CCDC33: variants seen among roughly 807,000 people sequenced by gnomAD.
The protein encoded by CCDC33 is coiled-coil domain containing 33, also known as coiled-coil domain-containing protein 33.
CCDC33 carries 94 observed loss-of-function variants against 91.9 expected under a neutral mutation model. The ratio of observed to expected loss-of-function variants is 1.02; its 90% CI spans 0.87 to 1.21. The LOEUF (loss-of-function observed/expected upper bound fraction) is 1.21, where lower values mean the gene tolerates loss of function less well. Ranked by LOEUF, CCDC33 falls within the 50% of genes most tolerant of loss-of-function variation. The pLI, the probability that CCDC33 is intolerant of heterozygous loss-of-function variation, is 0.00. For missense variants in CCDC33, 940 were observed against 935.5 expected (o/e 1.00, Z -0.06); for synonymous variants, 396 against 374.5 (o/e 1.06, Z -0.66).
At chr15:74,217,390 C>T (rs1185126178) in exon 1 of CCDC33, 42 of 1,289,708 alleles carry the variant, frequency 3.3e-5, no homozygotes, top group South Asian at 4.9e-5. Context: ...TTTAATGAGG[C>T]GGGTAGATAC....
At position 74,262,496 on chromosome 15, in the gene CCDC33, C is replaced by T. The variant is rs2076052774; in HGVS notation, c.242C>T (p.Thr81Ile). ...NQSSKAVTSV[T>I]SEPTRAPIWG... is the part of the protein sequence containing the mutation. The stretch of plus-strand genomic sequence containing the variant: ...AGCTCCAAGGCAGTCACATCTGTGA[C>T]CTCAGAGCCCACCAGAGCCCCTATC... Residue 81 changes from threonine (T) to isoleucine (I), a missense_variant, in exon 3 of 19, where the codon ACC (threonine) becomes ATC (isoleucine). Physicochemically the swap from Thr to Ile is moderately conservative, Grantham distance 89. Coordinates refer to ENST00000398814, the MANE Select transcript of CCDC33 (RefSeq NM_025055.5). 5 of 1,614,082 alleles carry T rather than the reference C, an allele frequency of 3.1e-6. No individual in the cohort carries two copies. The East Asian group carries it at 1.1e-4, about 36-fold the overall frequency.
At chr15:74,219,689 C>T (rs1221103344) in intron 2 of CCDC33, among the ~76,000 whole-genome samples, 1 of 152,156 alleles carries the variant, frequency 6.6e-6, no homozygotes, top group Non-Finnish European at 1.5e-5. Flanking sequence ...TGAGGTGAAT[C>T]TTCCCATTCA....
intron 2 of CCDC33, among the ~76,000 whole-genome samples, chr15:74,223,076 G>GT (rs1035509988): frequency 3.9e-5 from 6 of 152,054 alleles, no homozygotes; most frequent in African/African-American, 1.4e-4. Flanking sequence ...AATCTCAGGG[G>GT]TGCAGCACGG....
intron 2 of CCDC33, among the ~76,000 whole-genome samples, chr15:74,258,821 C>T (rs2075947178): frequency 6.6e-6 from 1 of 152,130 alleles, no homozygotes; most frequent in African/African-American, 2.4e-5. Context: ...ACATATTTTC[C>T]CTTAGTCATG....
chr15:74,234,277 A>G (rs1348607740), upstream of CCDC33, among the ~76,000 whole-genome samples: 1 of 152,166 alleles, frequency 6.6e-6, no homozygotes, highest in Non-Finnish European at 1.5e-5. Flanking sequence ...GGGCACAGTT[A>G]TCTATTAGCT....
intron 12 of CCDC33, 130 bp from the exon 13 acceptor site, chr15:74,330,533 T>C (rs1005761953): frequency 9.3e-7 from 1 of 1,073,288 alleles, no homozygotes; most frequent in East Asian, 2.5e-5. Context: ...CTCTCAGGGA[T>C]GGGAAACAGA....
At chr15:74,294,528 A>G (rs2059643519) in intron 10 of CCDC33, among the ~76,000 whole-genome samples, 1 of 152,112 alleles carries the variant, frequency 6.6e-6, no homozygotes, top group African/African-American at 2.4e-5. Flanking sequence ...TGGGCAGATC[A>G]CAAGGTCAAG....
chr15:74,217,452 G>A (rs1359553570), exon 1 of CCDC33: 2 of 1,289,846 alleles, frequency 1.6e-6, no homozygotes, highest in South Asian at 2.5e-5. Flanking sequence ...TGGGGCTGGG[G>A]TGCAGTTGCA....
chr15:74,296,373 T>C (rs1252012143), intron 11 of CCDC33, among the ~76,000 whole-genome samples: 1 of 152,016 alleles, frequency 6.6e-6, no homozygotes, highest in Non-Finnish European at 1.5e-5. Flanking sequence ...ACCTGTAATC[T>C]CAGCACTTTG....
At chr15:74,222,198 A>T (rs1448785491) in intron 2 of CCDC33, among the ~76,000 whole-genome samples, 1 of 152,226 alleles carries the variant, frequency 6.6e-6, no homozygotes, top group Non-Finnish European at 1.5e-5. Context: ...GCCCTCTCCA[A>T]GAGATCCCTG....
At chr15:74,260,909 G>A (rs929038098) in intron 2 of CCDC33, among the ~76,000 whole-genome samples, 3 of 152,114 alleles carry the variant, frequency 2.0e-5, no homozygotes, top group African/African-American at 4.8e-5. Flanking sequence ...CACTTTCTTG[G>A]TACTTAGCAA....
chr15:74,209,282 G>A, intron 1 of CCDC33: 1 of 1,328,580 alleles, frequency 7.5e-7, no homozygotes, highest in Non-Finnish European at 1.0e-6. Context: ...CACCTCAGTG[G>A]AGAAGCCTGC....
downstream of CCDC33, chr15:74,336,455 T>G: frequency 1.6e-6 from 2 of 1,266,848 alleles, no homozygotes; most frequent in Non-Finnish European, 2.0e-6. Context: ...CTATCATGTC[T>G]GATATTCCTT....
At chr15:74,222,178 G>A (rs143825265) in intron 2 of CCDC33, among the ~76,000 whole-genome samples, 3 of 152,326 alleles carry the variant, frequency 2.0e-5, no homozygotes, top group East Asian at 1.9e-4. Context: ...AACGCTTCTG[G>A]TACCTCACTG....
intron 1 of CCDC33, among the ~76,000 whole-genome samples, chr15:74,239,078 C>G (rs576083215): frequency 2.6e-5 from 4 of 152,340 alleles, no homozygotes; most frequent in Admixed American, 1.3e-4. Context: ...AATAGCCCCA[C>G]TGCAGTCAAG....
chr15:74,330,454 GCTGCTGGA>G, intron 12 of CCDC33, 100 bp downstream of exon 12: 1 of 1,345,488 alleles, frequency 7.4e-7, no homozygotes, highest in Non-Finnish European at 1.0e-6. Context: ...AGATGTGCAT[GCTGCTGGA>G]CTCTGGCAAA....
chr15:74,268,200 G>T, intron 4 of CCDC33, 142 bp from the exon 5 acceptor site: 1 of 664,072 alleles, frequency 1.5e-6, no homozygotes, highest in Non-Finnish European at 2.8e-6. Flanking sequence ...GGGCTCACAG[G>T]GACCATGAGC....
intron 1 of CCDC33, chr15:74,217,585 T>G (rs1214781157): frequency 1.6e-6 from 2 of 1,226,550 alleles, no homozygotes; most frequent in South Asian, 2.8e-5. Flanking sequence ...CCCAAAGGTA[T>G]GAAGTAGGGG....
chr15:74,259,216 C>G (rs1457184538), intron 2 of CCDC33, among the ~76,000 whole-genome samples: 1 of 151,886 alleles, frequency 6.6e-6, no homozygotes, highest in East Asian at 1.9e-4. Flanking sequence ...GGAGGGGGGT[C>G]TCTCCTTGCA....
Sources: allele counts gnomAD v4.1 joint callset (sites outside exome capture counted in the v4.1 genomes callset), GRCh38; gene constraint gnomAD v4.1.1; transcripts MANE v1.5; gene names NCBI Gene and HGNC (gene_info 2026-07-23, HGNC 2026-07-21).